Variants in XRCC4 observed in about 807,000 individuals in gnomAD.
The protein encoded by XRCC4 is DNA repair protein XRCC4.
Under a neutral mutation model 39.1 loss-of-function variants are expected in XRCC4, and 28 were observed. That is an observed-to-expected ratio of 0.72 (90% CI 0.53 to 0.98). The LOEUF is 0.98. XRCC4 is among the 50% of genes least tolerant of loss of function. The pLI, the probability that XRCC4 is intolerant of heterozygous loss-of-function variation, is 0.00. For missense variants in XRCC4, 350 were observed against 376.4 expected (o/e 0.93, Z 0.58); for synonymous variants, 123 against 126.4 (o/e 0.97, Z 0.18).
At chr5:83,151,927 C>T (rs1038649518) in intron 3 of XRCC4, among the ~76,000 whole-genome samples, 2 of 152,152 alleles carry the variant, frequency 1.3e-5, no homozygotes, top group Admixed American at 1.3e-4. Flanking sequence ...ACATGCATTG[C>T]CTCCCCTACT....
chr5:83,273,488 T>A (rs983069156), intron 7 of XRCC4, among the ~76,000 whole-genome samples: 2 of 152,096 alleles, frequency 1.3e-5, no homozygotes, highest in African/African-American at 4.8e-5. Flanking sequence ...AGTCATGAAG[T>A]CTTTGCCTAT....
At chr5:83,092,006 C>T (rs1380291044) in intron 1 of XRCC4, among the ~76,000 whole-genome samples, 1 of 152,122 alleles carries the variant, frequency 6.6e-6, no homozygotes, top group African/African-American at 2.4e-5. Context: ...CCTTTTTCTC[C>T]ACCTTCTTGC....
intron 3 of XRCC4, among the ~76,000 whole-genome samples, chr5:83,134,689 C>T (rs954856741): frequency 1.3e-5 from 2 of 152,136 alleles, no homozygotes; most frequent in Non-Finnish European, 2.9e-5. Flanking sequence ...GCAACTCACT[C>T]GGGTACCCTT....
chr5:83,078,544 T>C (rs1744787166), intron 1 of XRCC4, among the ~76,000 whole-genome samples: 1 of 152,216 alleles, frequency 6.6e-6, no homozygotes, highest in South Asian at 2.1e-4. Context: ...GAGACCCTTT[T>C]GTATTTAGGG....
At chr5:83,256,471 G>A (rs982774489) in intron 6 of XRCC4, among the ~76,000 whole-genome samples, 8 of 151,238 alleles carry the variant, frequency 5.3e-5, no homozygotes, top group South Asian at 4.2e-4. Flanking sequence ...CTAGATATCC[G>A]CTGTGACATT....
At chr5:83,104,526 C>T (rs976192644) in intron 1 of XRCC4, among the ~76,000 whole-genome samples, 1 of 152,048 alleles carries the variant, frequency 6.6e-6, no homozygotes, top group African/African-American at 2.4e-5. Flanking sequence ...CCATGTTGGC[C>T]AGACTGGTCT....
At chr5:83,162,178 A>C (rs897018751) in intron 3 of XRCC4, among the ~76,000 whole-genome samples, 1 of 152,122 alleles carries the variant, frequency 6.6e-6, no homozygotes, top group East Asian at 1.9e-4. Flanking sequence ...AAAATAAATA[A>C]ATTAATTAGT....
chr5:83,126,595 G>A (rs896850047), intron 3 of XRCC4, among the ~76,000 whole-genome samples: 5 of 152,134 alleles, frequency 3.3e-5, no homozygotes, highest in Admixed American at 1.3e-4. Flanking sequence ...GGGGAACTGT[G>A]GGGTATAAGC....
intron 6 of XRCC4, among the ~76,000 whole-genome samples, chr5:83,213,597 T>G (rs1357397641): frequency 6.6e-6 from 1 of 152,144 alleles, no homozygotes; most frequent in Non-Finnish European, 1.5e-5. Flanking sequence ...AAGAAAACCC[T>G]GGGCCCAGAT....
At chr5:83,132,471 A>T (rs1747646521) in intron 3 of XRCC4, among the ~76,000 whole-genome samples, 1 of 151,412 alleles carries the variant, frequency 6.6e-6, no homozygotes, top group Non-Finnish European at 1.5e-5. Flanking sequence ...TATCCTGCAG[A>T]GTGTTTTCCA....
intron 7 of XRCC4, among the ~76,000 whole-genome samples, chr5:83,296,679 AG>A (rs1367469557): frequency 6.6e-6 from 1 of 152,096 alleles, no homozygotes; most frequent in East Asian, 1.9e-4. Context: ...AAACAATTAA[AG>A]AAGAGCAATA....
At chr5:83,313,400 T>C (rs1755773253) in intron 7 of XRCC4, among the ~76,000 whole-genome samples, 1 of 152,140 alleles carries the variant, frequency 6.6e-6, no homozygotes, top group South Asian at 2.1e-4. Flanking sequence ...CAAAAAAATC[T>C]CGTTGTATAG....
At chr5:83,365,263 T>C in the XRCC4 span, among the ~76,000 whole-genome samples, 1 of 152,172 alleles carries the variant, frequency 6.6e-6, no homozygotes, top group Non-Finnish European at 1.5e-5. Flanking sequence ...CAGTGGACTC[T>C]CTGGGTAACT....
At chr5:83,200,772 T>A (rs1311196935) in intron 4 of XRCC4, among the ~76,000 whole-genome samples, 1 of 152,220 alleles carries the variant, frequency 6.6e-6, no homozygotes, top group East Asian at 1.9e-4. Flanking sequence ...TTACTTTGCA[T>A]ATGTTTGAAG....
intron 1 of XRCC4, among the ~76,000 whole-genome samples, chr5:83,090,740 G>A (rs974943151): frequency 6.6e-6 from 1 of 152,166 alleles, no homozygotes; most frequent in Non-Finnish European, 1.5e-5. Context: ...ATTGAAAGCT[G>A]TTCCTTATGA....
chr5:83,245,303 CAAG>C (rs749636831), intron 6 of XRCC4, among the ~76,000 whole-genome samples: 2 of 151,314 alleles, frequency 1.3e-5, no homozygotes, highest in African/African-American at 4.9e-5. Context: ...ATTACCGAAA[CAAG>C]AGATTTTGAA....
intron 2 of XRCC4, among the ~76,000 whole-genome samples, chr5:83,107,668 A>T (rs976391242): frequency 1.3e-5 from 2 of 151,826 alleles, no homozygotes; most frequent in Non-Finnish European, 2.9e-5. Context: ...AAGAATTCCT[A>T]TTGGCAGTAG....
At chr5:83,138,523 G>A (rs941541287) in intron 3 of XRCC4, among the ~76,000 whole-genome samples, 10 of 151,944 alleles carry the variant, frequency 6.6e-5, no homozygotes, top group African/African-American at 2.4e-4. Context: ...ATTGATGGAA[G>A]TATACTTACA....
intron 3 of XRCC4, among the ~76,000 whole-genome samples, chr5:83,143,711 G>A (rs900942090): frequency 3.3e-5 from 5 of 151,862 alleles, no homozygotes; most frequent in African/African-American, 1.2e-4. Context: ...CTAGATTGAA[G>A]GTTTTTTTCT....
Sources: gnomAD v4.1 joint callset for allele counts (sites outside exome capture counted in the v4.1 genomes callset) on GRCh38, gnomAD v4.1.1 for gene constraint, MANE v1.5 for transcripts, NCBI Gene and HGNC (gene_info 2026-07-23, HGNC 2026-07-21) for gene names.